The following LIMK1 variants were observed in gnomAD, a reference collection of about 807,000 sequenced individuals.
LIMK1 encodes LIM domain kinase 1.
In LIMK1, 21 loss-of-function variants were observed where a neutral mutation model predicts 77.6. The observed-to-expected ratio is 0.27, with a 90% confidence interval of 0.19 to 0.39. The LOEUF is 0.39. Among genes scored for constraint, LIMK1 ranks in the 10% least tolerant of loss-of-function variants. The pLI is 1.00. For missense variants in LIMK1, 696 were observed against 901.6 expected, an observed-to-expected ratio of 0.77 and a Z score of 2.92; for synonymous variants, 358 against 370.0, an observed-to-expected ratio of 0.97 and a Z score of 0.37.
Position 74,107,082 on chromosome 7 carries a change from G to C in LIMK1, c.954G>C (p.Leu318=), listed in dbSNP as rs1554697739. 3 of 1,610,496 alleles carry C rather than the reference G, an allele frequency of 1.9e-6. No homozygotes were observed. Among genetic ancestry groups the C allele is most frequent in the Non-Finnish European group, 2.5e-6 (3 of 1,179,142 alleles). The part of the protein sequence containing the change: ...LGSPASQRKD[L]GRSESLRVVC... ...CCCCGGCCTCCCAGCGCAAGGACCT[G>C]GGTCGCTCTGAGTCCCTCCGCGTAG... is the stretch of plus-strand genomic sequence containing the variant. Residue 318 remains leucine, a synonymous_variant, in exon 8 of 16, where the codon CTG becomes CTC. Coordinates refer to ENST00000336180, the MANE Select transcript of LIMK1 (RefSeq NM_002314.4).
chr7:74,109,082 C>A, intron 10 of LIMK1, 46 bp downstream of exon 10: 1 of 1,450,806 alleles, frequency 6.9e-7, no homozygotes, highest in Non-Finnish European at 9.5e-7. Flanking sequence ...CGGCCCCGGG[C>A]AAAGCAGCTC....
Position 74,121,462 on chromosome 7 carries a change from G to A in LIMK1, c.*161G>A. On this transcript the variant is annotated 3_prime_UTR_variant, in exon 16 of 16. Coordinates refer to ENST00000336180, the MANE Select transcript of LIMK1 (RefSeq NM_002314.4). ...TCCCACCCCGTGGACCGCTTCCCCT[G>A]CCTTCTCTCTGCCGTGGCCCAGAGC... 4 of 700,974 alleles carry A rather than the reference G, an allele frequency of 5.7e-6. No homozygotes were observed. Among genetic ancestry groups the A allele is most frequent in the Non-Finnish European group, 9.2e-6 (4 of 434,698 alleles). The allele number at this position is 700,974 out of a possible 1,614,324, so 43.4% of individuals were successfully genotyped here.
At chr7:74,103,802 G>A (rs981662149) in intron 5 of LIMK1, among the ~76,000 whole-genome samples, 1 of 151,498 alleles carries the variant, frequency 6.6e-6, no homozygotes, top group Non-Finnish European at 1.5e-5. Context: ...TGTTTGCTTG[G>A]TTGTTTTTTT....
intron 12 of LIMK1, among the ~76,000 whole-genome samples, chr7:74,112,353 C>A (rs1310580503): frequency 6.6e-6 from 1 of 152,174 alleles, no homozygotes; most frequent in Non-Finnish European, 1.5e-5. Context: ...CTACACCAGA[C>A]AGCACCAGCA....
chr7:74,092,225 C>T (rs1799251878), intron 2 of LIMK1, among the ~76,000 whole-genome samples: 1 of 152,128 alleles, frequency 6.6e-6, no homozygotes, highest in African/African-American at 2.4e-5. Context: ...CTCAGCCTCC[C>T]AAAGTGCTGG....
At chr7:74,101,801 CATAT>C (rs10552134) in intron 5 of LIMK1, among the ~76,000 whole-genome samples, 16,050 of 145,152 alleles carry the variant, frequency 0.11, 885 homozygotes, top group Non-Finnish European at 0.14. Context: ...ATATGTATGT[CATAT>C]ATATATATAT....
chr7:74,117,458 G>A (rs1799839109), intron 13 of LIMK1, among the ~76,000 whole-genome samples: 1 of 152,118 alleles, frequency 6.6e-6, no homozygotes, highest in African/African-American at 2.4e-5. Context: ...CAGGGATCAG[G>A]ACGCAGTCAT....
intron 8 of LIMK1, 143 bp downstream of exon 8, chr7:74,107,336 G>A: frequency 1.1e-6 from 1 of 877,938 alleles, no homozygotes; most frequent in Non-Finnish European, 1.7e-6. Flanking sequence ...TTGGCCTCCT[G>A]GAGCTAATTA....
intron 2 of LIMK1, among the ~76,000 whole-genome samples, chr7:74,089,886 G>A (rs868922442): frequency 6.6e-6 from 1 of 152,082 alleles, no homozygotes; most frequent in African/African-American, 2.4e-5. Context: ...GCGGTGAGGG[G>A]GGAGATGGAG....
Position 74,097,599 on chromosome 7 carries a change from C to A in LIMK1, c.401+410C>A, listed in dbSNP as rs561738616. 2.2e-4 allele frequency among the ~76,000 whole-genome samples: 34 copies of A among 152,328 alleles called. 1 individual carries two copies. The South Asian group carries it at 7.0e-3, about 32-fold the overall frequency. ...GCTGAGGCAGGAGACTCTCTTGAACCTGGGAGGTGGAAGTTGCAGTGAGCC... is the reference window on the plus strand; with the variant it reads ...GCTGAGGCAGGAGACTCTCTTGAACATGGGAGGTGGAAGTTGCAGTGAGCC... On this transcript the variant is annotated intron_variant, in intron 4 of 15. Coordinates refer to ENST00000336180, the MANE Select transcript of LIMK1 (RefSeq NM_002314.4).
chr7:74,108,657 AAAAAG>A (rs1370096127), intron 9 of LIMK1, among the ~76,000 whole-genome samples: 137 of 151,640 alleles, frequency 9.0e-4, no homozygotes, highest in African/African-American at 3.0e-3. Flanking sequence ...CAAAAAAAAA[AAAAAG>A]AAAAGAAAAA....
intron 11 of LIMK1, 96 bp from the exon 12 acceptor site, chr7:74,111,837 T>C: frequency 7.0e-7 from 1 of 1,435,062 alleles, no homozygotes. Context: ...CCGACTGGCC[T>C]GATTGGGGTG....
At chr7:74,093,286 C>T (rs1563912923) in intron 2 of LIMK1, 1 of 1,535,902 alleles carries the variant, frequency 6.5e-7, no homozygotes, top group Non-Finnish European at 8.7e-7. Flanking sequence ...ACGCCGCTTC[C>T]TCCAGAGGGC....
chr7:74,111,621 A>C (rs781834931), intron 10 of LIMK1, 27 bp from the exon 11 acceptor site: 2 of 1,603,980 alleles, frequency 1.2e-6, no homozygotes, highest in Non-Finnish European at 1.7e-6. Flanking sequence ...CACCGGCCCC[A>C]CCCTGGCCAT....
At chr7:74,086,747 C>T (rs566587378) in intron 2 of LIMK1, among the ~76,000 whole-genome samples, 7 of 152,158 alleles carry the variant, frequency 4.6e-5, no homozygotes, top group African/African-American at 1.4e-4. Flanking sequence ...AATTCAGCCC[C>T]CTGCTGGCAC....
chr7:74,084,050 G>A lies in LIMK1; in HGVS notation c.55+5G>A. The stretch of plus-strand genomic sequence containing the variant: ...AAGAACGTATGGGAGAGGAAGGTGC[G>A]CGGGCCGCGGGGTGTGGGGCGAGGG... On this transcript the variant is annotated splice_donor_5th_base_variant and intron_variant, in intron 1 of 15. Coordinates refer to ENST00000336180, the MANE Select transcript of LIMK1 (RefSeq NM_002314.4). 4.7e-6 allele frequency: 7 copies of A among 1,483,114 alleles called. No homozygotes were observed. Among genetic ancestry groups the A allele is most frequent in the Non-Finnish European group, 5.4e-6 (6 of 1,107,808 alleles). 91.9% of individuals were successfully genotyped at this position (1,483,114 alleles called of 1,614,324 possible). A position where few individuals can be genotyped will look rare whatever the true frequency, so the allele number is the denominator to read the frequency against.
At chr7:74,092,080 C>T (rs1027117990) in intron 2 of LIMK1, among the ~76,000 whole-genome samples, 2 of 150,722 alleles carry the variant, frequency 1.3e-5, no homozygotes, top group Non-Finnish European at 2.9e-5. Context: ...GATTCTCCTG[C>T]CTCAGCTTCC....
chr7:74,096,565 C>T, intron 2 of LIMK1, 57 bp from the exon 3 acceptor site: 1 of 1,608,262 alleles, frequency 6.2e-7, no homozygotes, highest in African/African-American at 1.3e-5. Flanking sequence ...AGGCAGGGGC[C>T]CAGGTGAGGT....
At chr7:74,115,638 G>C (rs1190195908) in intron 12 of LIMK1, 164 bp from the exon 13 acceptor site, 2 of 653,588 alleles carry the variant, frequency 3.1e-6, no homozygotes, top group East Asian at 5.6e-5. Context: ...TGCAAAGAGC[G>C]GATGGGTTTG....
Sources: allele counts gnomAD v4.1 joint callset (sites outside exome capture counted in the v4.1 genomes callset), GRCh38; gene constraint gnomAD v4.1.1; transcripts MANE v1.5; gene names NCBI Gene and HGNC (gene_info 2026-07-23, HGNC 2026-07-21).